Variants in HS6ST3 observed in about 807,000 individuals in gnomAD.
HS6ST3 encodes the protein heparan sulfate 6-O-sulfotransferase 3, also known as heparan-sulfate 6-O-sulfotransferase 3.
HS6ST3 carries 12 observed loss-of-function variants against 36.7 expected under a neutral mutation model. That is an observed-to-expected ratio of 0.33 (90% CI 0.21 to 0.53). The LOEUF (loss-of-function observed/expected upper bound fraction) is 0.53, where lower values mean the gene tolerates loss of function less well. Among genes scored for constraint, HS6ST3 ranks in the 20% least tolerant of loss-of-function variants. The pLI, the probability that HS6ST3 is intolerant of heterozygous loss-of-function variation, is 0.95. For synonymous variants in HS6ST3, 240 were observed against 257.5 expected, an observed-to-expected ratio of 0.93 and a Z score of 0.65; for missense variants, 584 against 640.9, an observed-to-expected ratio of 0.91 and a Z score of 0.96.
At chr13:96,132,410 C>CTT (rs757928866) in intron 1 of HS6ST3, among the ~76,000 whole-genome samples, 1 of 144,046 alleles carries the variant, frequency 6.9e-6, no homozygotes, top group Non-Finnish European at 1.5e-5. Flanking sequence ...TTTTCTTTTT[C>CTT]TTTTTTTTTT....
At chr13:96,734,648 T>TTA (rs3052120) in intron 1 of HS6ST3, among the ~76,000 whole-genome samples, 92,623 of 151,934 alleles carry the variant, frequency 0.61, 29,606 homozygotes, top group African/African-American at 0.82. Context: ...TGATTATAAA[T>TTA]TGAGTCTTTT....
At chr13:96,732,032 G>T (rs1286767612) in intron 1 of HS6ST3, among the ~76,000 whole-genome samples, 1 of 152,090 alleles carries the variant, frequency 6.6e-6, no homozygotes, top group East Asian at 1.9e-4. Flanking sequence ...CAAACAGTGT[G>T]CAAGGCCTCT....
chr13:96,788,372 GTATCTTAACTA>G (rs1189847688), intron 1 of HS6ST3, among the ~76,000 whole-genome samples: 1 of 151,614 alleles, frequency 6.6e-6, no homozygotes, highest in African/African-American at 2.4e-5. Flanking sequence ...AACTATATTG[GTATCTTAACTA>G]TATCTTAACT....
chr13:96,505,741 A>G (rs936745703), intron 1 of HS6ST3, among the ~76,000 whole-genome samples: 5 of 152,168 alleles, frequency 3.3e-5, no homozygotes, highest in Non-Finnish European at 5.9e-5. Flanking sequence ...GCACACAGAG[A>G]AAAGATATAC....
chr13:96,248,645 G>T (rs1412510326), intron 1 of HS6ST3, among the ~76,000 whole-genome samples: 3 of 152,118 alleles, frequency 2.0e-5, no homozygotes, highest in Non-Finnish European at 4.4e-5. Context: ...GCTGGATTTG[G>T]ATGGCTATGC....
rs1420820401 is a variant in HS6ST3, at chr13:96,090,607, G to T, written c.-256G>T. ...AGCGGGCCGGCCCGGGCGCACCCGG[G>T]AGCGCAGGGCGCCCCACGCCGCAGC... On this transcript the variant is annotated 5_prime_UTR_variant, in exon 1 of 2. Transcript: ENST00000376705. 6.9e-6 allele frequency among the ~76,000 whole-genome samples: 1 copy of T among 145,856 alleles called. No homozygotes were observed. The highest frequency in any genetic ancestry group is 1.5e-5 in the Non-Finnish European group (1 of 65,672).
At chr13:96,152,617 C>G (rs1275848403) in intron 1 of HS6ST3, among the ~76,000 whole-genome samples, 5 of 151,946 alleles carry the variant, frequency 3.3e-5, no homozygotes, top group South Asian at 2.1e-4. Context: ...GATTACAGGC[C>G]TGAGCCACCG....
intron 1 of HS6ST3, among the ~76,000 whole-genome samples, chr13:96,232,169 G>A (rs2054511696): frequency 6.6e-6 from 1 of 152,164 alleles, no homozygotes; most frequent in Admixed American, 6.5e-5. Flanking sequence ...CTGAGAGTGT[G>A]AATTCAGAGT....
At chr13:96,307,558 A>C (rs1384584256) in intron 1 of HS6ST3, among the ~76,000 whole-genome samples, 1 of 152,086 alleles carries the variant, frequency 6.6e-6, no homozygotes, top group Admixed American at 6.6e-5. Flanking sequence ...TGTGGTGTTT[A>C]CTAATTTTTT....
intron 1 of HS6ST3, among the ~76,000 whole-genome samples, chr13:96,698,007 G>T (rs999002180): frequency 3.3e-5 from 5 of 151,982 alleles, no homozygotes; most frequent in African/African-American, 4.8e-5. Flanking sequence ...TCCAGAGAAG[G>T]ATGTAATATG....
At position 96,684,027 on chromosome 13, in the gene HS6ST3, T is replaced by C. The variant is rs113309646; in HGVS notation, c.708-148463T>C. On this transcript the variant is annotated intron_variant, in intron 1 of 1. Coordinates refer to ENST00000376705, the MANE Select transcript of HS6ST3 (RefSeq NM_153456.4). ...TTCTACAAGTCCTTTAATATTTATT[T>C]ACCTAGAAATATTTCAGCAGTTGTA... is the stretch of plus-strand genomic sequence containing the variant. Among the ~76,000 whole-genome samples, 187 of 152,210 alleles carry C rather than the reference T, an allele frequency of 1.2e-3. 1 individual carries two copies. Among genetic ancestry groups the C allele is most frequent in the African/African-American group, 4.4e-3 (182 of 41,568 alleles).
intron 1 of HS6ST3, among the ~76,000 whole-genome samples, chr13:96,216,619 T>C (rs2054427616): frequency 6.6e-6 from 1 of 152,142 alleles, no homozygotes; most frequent in African/African-American, 2.4e-5. Context: ...ATTCTTTGGC[T>C]AAGAATTGTG....
intron 1 of HS6ST3, among the ~76,000 whole-genome samples, chr13:96,743,139 C>T (rs1876482728): frequency 6.6e-6 from 1 of 152,058 alleles, no homozygotes; most frequent in African/African-American, 2.4e-5. Flanking sequence ...CATCTCCAAC[C>T]TTGGATGATC....
intron 1 of HS6ST3, among the ~76,000 whole-genome samples, chr13:96,536,501 A>G (rs1223142774): frequency 1.3e-5 from 2 of 152,234 alleles, no homozygotes; most frequent in Non-Finnish European, 2.9e-5. Flanking sequence ...AAAATTCTGT[A>G]CAGATCCAGA....
intron 1 of HS6ST3, among the ~76,000 whole-genome samples, chr13:96,252,181 T>C (rs2054610931): frequency 6.6e-6 from 1 of 152,242 alleles, no homozygotes; most frequent in Non-Finnish European, 1.5e-5. Context: ...CAGTTATATC[T>C]GCTTTATAAT....
intron 1 of HS6ST3, among the ~76,000 whole-genome samples, chr13:96,669,869 T>C (rs990118905): frequency 7.2e-5 from 11 of 151,926 alleles, no homozygotes; most frequent in African/African-American, 2.7e-4. Context: ...AGAACATGAG[T>C]GGGTTTTGAG....
At chr13:96,643,040 C>T (rs2056575750) in intron 1 of HS6ST3, among the ~76,000 whole-genome samples, 1 of 151,954 alleles carries the variant, frequency 6.6e-6, no homozygotes, top group Admixed American at 6.6e-5. Context: ...TCAGATTCTA[C>T]TCACTCCCCA....
chr13:96,799,948 A>ATATATATATATG (rs1566456742), intron 1 of HS6ST3, among the ~76,000 whole-genome samples: 3,206 of 101,192 alleles, frequency 0.032, 421 homozygotes, highest in African/African-American at 0.1. Flanking sequence ...GTGTGTGTAT[A>ATATATATATATG]TATATATATA....
At chr13:96,704,686 G>A (rs1875374118) in intron 1 of HS6ST3, among the ~76,000 whole-genome samples, 1 of 152,160 alleles carries the variant, frequency 6.6e-6, no homozygotes, top group South Asian at 2.1e-4. Flanking sequence ...CCAGGTATGA[G>A]GGAATGGGAT....
Sources: allele counts gnomAD v4.1 joint callset (sites outside exome capture counted in the v4.1 genomes callset), GRCh38; gene constraint gnomAD v4.1.1; transcripts MANE v1.5; gene names NCBI Gene and HGNC (gene_info 2026-07-23, HGNC 2026-07-21).